The following PSMA8 variants were observed in gnomAD, a reference collection of about 807,000 sequenced individuals.
PSMA8 encodes the protein proteasome 20S subunit alpha 8.
PSMA8 carries 18 observed loss-of-function variants against 32.4 expected under a neutral mutation model. The observed-to-expected ratio is 0.56, with a 90% confidence interval of 0.38 to 0.82. PSMA8 has a LOEUF of 0.82. Among genes scored for constraint, PSMA8 ranks in the 40% least tolerant of loss-of-function variants. The pLI is 0.00. For missense variants in PSMA8, 298 were observed against 300.7 expected, an observed-to-expected ratio of 0.99 and a Z score of 0.07; for synonymous variants, 104 against 98.1, an observed-to-expected ratio of 1.06 and a Z score of -0.36.
chr18:26,186,631 T>G (rs1256103010), intron 6 of PSMA8, among the ~76,000 whole-genome samples: 2 of 152,198 alleles, frequency 1.3e-5, no homozygotes, highest in African/African-American at 4.8e-5. Context: ...AATCTCTTAA[T>G]TTTACATATG....
At chr18:26,146,299 C>G (rs2055003009) in intron 2 of PSMA8, among the ~76,000 whole-genome samples, 1 of 151,602 alleles carries the variant, frequency 6.6e-6, no homozygotes, top group Non-Finnish European at 1.5e-5. Context: ...GAGGTCGAGG[C>G]AGGAGAATTA....
chr18:26,138,718 GA>G (rs1314801544), intron 1 of PSMA8, among the ~76,000 whole-genome samples: 10 of 152,314 alleles, frequency 6.6e-5, no homozygotes, highest in African/African-American at 2.4e-4. Context: ...TAGTCTAGAT[GA>G]AAGATGATAA....
chr18:26,157,678 G>A (rs548948393), intron 3 of PSMA8, among the ~76,000 whole-genome samples: 1 of 152,254 alleles, frequency 6.6e-6, no homozygotes, highest in Non-Finnish European at 1.5e-5. Context: ...TGAACAGAAT[G>A]TCCTTGATAA....
intron 4 of PSMA8, among the ~76,000 whole-genome samples, chr18:26,167,780 T>C (rs541278381): frequency 6.6e-6 from 1 of 152,108 alleles, no homozygotes; most frequent in South Asian, 2.1e-4. Context: ...ACCTTGAGCT[T>C]GGACTTTAGC....
At position 26,144,586 on chromosome 18, in the gene PSMA8, G is replaced by T. The variant is rs752841756; in HGVS notation, c.130G>T (p.Val44Phe). Residue 44 changes from valine (V) to phenylalanine (F), a missense_variant, in exon 2 of 7, where the codon GTT becomes TTT. Transcript: ENST00000415576. The stretch of plus-strand genomic sequence containing the variant: ...CGGAATTCGAGGTACCAATATAGTT[G>T]TTCTTGGGGTAGAAAAAAAATCTGT... ...AVGIRGTNIVVLGVEKKSVAK... is the reference protein window; with the variant it reads ...AVGIRGTNIVFLGVEKKSVAK... 7 of 1,613,290 alleles carry T rather than the reference G, an allele frequency of 4.3e-6. No individual in the cohort carries two copies. Among genetic ancestry groups the T allele is most frequent in the South Asian group, 1.1e-5 (1 of 91,046 alleles).
intron 6 of PSMA8, among the ~76,000 whole-genome samples, chr18:26,182,018 G>A (rs994871755): frequency 1.3e-5 from 2 of 152,000 alleles, no homozygotes; most frequent in Non-Finnish European, 2.9e-5. Context: ...CTAAGCCAAA[G>A]CCTAATCCAG....
At chr18:26,189,208 AAAAGAAGACAT>A in intron 6 of PSMA8, among the ~76,000 whole-genome samples, 1 of 152,292 alleles carries the variant, frequency 6.6e-6, no homozygotes, top group East Asian at 1.9e-4. Context: ...TTCTTTTCTC[AAAAGAAGACAT>A]ACAAATGGCA....
intron 4 of PSMA8, among the ~76,000 whole-genome samples, chr18:26,161,687 A>G (rs2055136886): frequency 6.6e-6 from 1 of 152,174 alleles, no homozygotes; most frequent in African/African-American, 2.4e-5. Context: ...GTAGTGCACT[A>G]TGATCATGCC....
At chr18:26,161,584 C>T (rs1377421452) in intron 4 of PSMA8, among the ~76,000 whole-genome samples, 1 of 152,194 alleles carries the variant, frequency 6.6e-6, no homozygotes, top group Non-Finnish European at 1.5e-5. Flanking sequence ...GTGAAGAAAG[C>T]TATTCAGGTC....
chr18:26,165,703 A>G (rs1598658502), intron 4 of PSMA8, among the ~76,000 whole-genome samples: 1 of 152,250 alleles, frequency 6.6e-6, no homozygotes, highest in East Asian at 1.9e-4. Flanking sequence ...CCTTTTAGAG[A>G]TTAGAGAAAG....
At chr18:26,174,266 T>G in intron 4 of PSMA8, among the ~76,000 whole-genome samples, 1 of 152,246 alleles carries the variant, frequency 6.6e-6, no homozygotes, top group East Asian at 1.9e-4. Context: ...TGGCAGGAAT[T>G]GAATATGTTC....
intron 4 of PSMA8, chr18:26,171,300 G>C: frequency 6.6e-7 from 1 of 1,511,230 alleles, no homozygotes; most frequent in Non-Finnish European, 8.7e-7. Flanking sequence ...AGCAGCGGGA[G>C]GACCTCCGAG....
At chr18:26,176,859 G>A (rs1209456548) in intron 4 of PSMA8, among the ~76,000 whole-genome samples, 1 of 152,152 alleles carries the variant, frequency 6.6e-6, no homozygotes, top group African/African-American at 2.4e-5. Context: ...CCTGAGCCCA[G>A]GAGGCAGAGG....
intron 4 of PSMA8, among the ~76,000 whole-genome samples, chr18:26,163,213 G>GTGTGTATATATATA (rs1420987062): frequency 3.7e-5 from 3 of 80,910 alleles, no homozygotes; most frequent in African/African-American, 1.6e-4. Context: ...ATGTGTGTGT[G>GTGTGTATATATATA]TATATATATA....
rs191902003 is a variant in PSMA8 at position 26,161,373 on chromosome 18, C to A, written c.477+3129C>A. 2.4e-3 allele frequency among the ~76,000 whole-genome samples: 372 copies of A among 152,276 alleles called. 2 individuals are homozygous for A. Among genetic ancestry groups the A allele is most frequent in the African/African-American group, 8.7e-3 (363 of 41,554 alleles). The stretch of plus-strand genomic sequence containing the variant: ...ACATACAGGATCTTATAGAACAGAA[C>A]CCTATCCCTGTAAGATGTCACACAG... On this transcript the variant is annotated intron_variant, in intron 4 of 6. Transcript: ENST00000415576.
At chr18:26,182,393 G>A (rs542849502) in intron 6 of PSMA8, among the ~76,000 whole-genome samples, 24 of 152,326 alleles carry the variant, frequency 1.6e-4, no homozygotes, top group African/African-American at 5.8e-4. Context: ...GGATAATGCA[G>A]CTGGTAACTT....
At chr18:26,163,102 T>C (rs1374597203) in intron 4 of PSMA8, among the ~76,000 whole-genome samples, 1 of 150,738 alleles carries the variant, frequency 6.6e-6, no homozygotes, top group Non-Finnish European at 1.5e-5. Context: ...TATGGGAATA[T>C]AGAGGTGAAC....
chr18:26,177,523 T>C (rs1403926007), intron 4 of PSMA8, among the ~76,000 whole-genome samples: 1 of 152,220 alleles, frequency 6.6e-6, no homozygotes, highest in African/African-American at 2.4e-5. Flanking sequence ...ATAAGTGTTC[T>C]GTTAATATAA....
intron 4 of PSMA8, among the ~76,000 whole-genome samples, chr18:26,171,907 A>G (rs2055224954): frequency 6.6e-6 from 1 of 152,256 alleles, no homozygotes. Flanking sequence ...ATCAAACAGC[A>G]TGAGTATCAG....
Sources: gnomAD v4.1 joint callset for allele counts (sites outside exome capture counted in the v4.1 genomes callset) on GRCh38, gnomAD v4.1.1 for gene constraint, MANE v1.5 for transcripts, NCBI Gene and HGNC (gene_info 2026-07-23, HGNC 2026-07-21) for gene names.